Variants in MSH3 observed in about 807,000 individuals in gnomAD.
MSH3 encodes mutS homolog 3, also known as DNA mismatch repair protein Msh3.
In MSH3, 106 loss-of-function variants were observed where a neutral mutation model predicts 123.3. That is an observed-to-expected ratio of 0.86 (90% CI 0.73 to 1.01). The LOEUF (loss-of-function observed/expected upper bound fraction) is 1.01, where lower values mean the gene tolerates loss of function less well. Among genes scored for constraint, MSH3 ranks in the 50% least tolerant of loss-of-function variants. The probability of loss-of-function intolerance (pLI) is 0.00; values close to 1 mark genes in which losing one functional copy is unlikely to be tolerated. For synonymous variants in MSH3, 515 were observed against 481.4 expected (o/e 1.07, Z -0.91); for missense variants, 1,459 against 1,347.6 (o/e 1.08, Z -1.29).
In MSH3 at chr5:80,799,341, C is replaced by G. The variant is rs566063950; in HGVS notation, c.2655+6497C>G. 2.4e-4 allele frequency among the ~76,000 whole-genome samples: 36 copies of G among 152,168 alleles called. No homozygotes were observed. The South Asian group carries it at 7.3e-3, about 31-fold the overall frequency. On this transcript the variant is annotated intron_variant, in intron 19 of 23. Coordinates refer to ENST00000265081, the MANE Select transcript of MSH3 (RefSeq NM_002439.5). ...CTGGAGGAGGCTTTGACTCAAGAGT[C>G]TCTTACCATAACCTGCTGTTGATTG... is the stretch of plus-strand genomic sequence containing the variant.
At position 80,654,896 on chromosome 5, in the gene MSH3, G is replaced by GCCGCAGCGGCCGCAGCGC. The variant is rs1554066062; in HGVS notation, c.172_189dup (p.Ala58_Pro63dup). 120 of 815,254 alleles carry GCCGCAGCGGCCGCAGCGC rather than the reference G, an allele frequency of 1.5e-4. No homozygotes were observed. Among genetic ancestry groups the GCCGCAGCGGCCGCAGCGC allele is most frequent in the Non-Finnish European group, 1.7e-4 (100 of 599,366 alleles). 50.5% of individuals were successfully genotyped at this position (815,254 alleles called of 1,614,324 possible). A position where few individuals can be genotyped will look rare whatever the true frequency, so the allele number is the denominator to read the frequency against. ...CCCTGGCGCTGCAGCGGCTGCAGCG[G>GCCGCAGCGGCCGCAGCGC]CCGCAGCGGCCGCAGCGCCCCCAGC... On this transcript the variant is annotated inframe_insertion, in exon 1 of 24. Transcript: ENST00000265081.
intron 21 of MSH3, among the ~76,000 whole-genome samples, chr5:80,861,603 T>A (rs1402568423): frequency 6.6e-6 from 1 of 152,170 alleles, no homozygotes; most frequent in Non-Finnish European, 1.5e-5. Flanking sequence ...TAAGGGGAAT[T>A]TACTCCAGTG....
intron 21 of MSH3, among the ~76,000 whole-genome samples, chr5:80,862,899 T>G (rs1746037825): frequency 6.6e-6 from 1 of 152,148 alleles, no homozygotes. Context: ...TAATCAACAT[T>G]TAATAACGAC....
At chr5:80,745,391 T>C (rs1406418603) in intron 12 of MSH3, among the ~76,000 whole-genome samples, 1 of 152,208 alleles carries the variant, frequency 6.6e-6, no homozygotes, top group Non-Finnish European at 1.5e-5. Context: ...GAATGAAAAT[T>C]GTTATTTATT....
At chr5:80,843,620 GGTTTA>G (rs1745666347) in intron 20 of MSH3, among the ~76,000 whole-genome samples, 1 of 152,020 alleles carries the variant, frequency 6.6e-6, no homozygotes, top group South Asian at 2.1e-4. Flanking sequence ...ACTTCTTCCT[GGTTTA>G]GTCTTGGCAT....
intron 12 of MSH3, among the ~76,000 whole-genome samples, chr5:80,758,623 G>C (rs762714491): frequency 6.6e-6 from 1 of 152,136 alleles, no homozygotes; most frequent in Non-Finnish European, 1.5e-5. Context: ...GCTTTTGCCT[G>C]TGTTGGCACT....
chr5:80,772,346 A>G (rs1254717069), intron 15 of MSH3, among the ~76,000 whole-genome samples: 1 of 152,210 alleles, frequency 6.6e-6, no homozygotes, highest in East Asian at 1.9e-4. Context: ...TAAATTATTA[A>G]GAGAATGAAA....
chr5:80,860,240 A>G (rs245346), intron 21 of MSH3, among the ~76,000 whole-genome samples: 66,651 of 152,012 alleles, frequency 0.44, 15,890 homozygotes, highest in Non-Finnish European at 0.54. Flanking sequence ...TCCTTCTTCA[A>G]TGCTGCACTT....
At chr5:80,863,097 G>T (rs984345103) in intron 21 of MSH3, among the ~76,000 whole-genome samples, 8 of 152,150 alleles carry the variant, frequency 5.3e-5, no homozygotes, top group African/African-American at 1.7e-4. Flanking sequence ...ATCAAATTTG[G>T]CATCCCCAGT....
intron 20 of MSH3, among the ~76,000 whole-genome samples, chr5:80,846,680 T>C (rs1289316631): frequency 1.3e-5 from 2 of 152,214 alleles, no homozygotes; most frequent in Admixed American, 1.3e-4. Context: ...ACTGCTGCGC[T>C]AGCAGTGAGC....
intron 17 of MSH3, among the ~76,000 whole-genome samples, chr5:80,782,654 A>G (rs558887781): frequency 6.6e-6 from 1 of 152,330 alleles, no homozygotes; most frequent in South Asian, 2.1e-4. Context: ...AAAGTGTATT[A>G]AAGTTTTTAT....
At chr5:80,841,268 T>G (rs1580083269) in intron 20 of MSH3, among the ~76,000 whole-genome samples, 2 of 152,258 alleles carry the variant, frequency 1.3e-5, no homozygotes. Context: ...TATTCCATGG[T>G]GTATATGTGC....
intron 14 of MSH3, among the ~76,000 whole-genome samples, chr5:80,768,337 G>T (rs1580034269): frequency 6.6e-6 from 1 of 152,096 alleles, no homozygotes; most frequent in East Asian, 1.9e-4. Context: ...GACAGATATA[G>T]TACTCCCCCA....
intron 20 of MSH3, among the ~76,000 whole-genome samples, chr5:80,840,552 T>C (rs749588741): frequency 1.3e-5 from 2 of 152,188 alleles, no homozygotes; most frequent in African/African-American, 2.4e-5. Flanking sequence ...TAGCTGGGAT[T>C]ATAGGCACTT....
In MSH3 at chr5:80,761,614, T is replaced by C. The variant is rs1744035388; in HGVS notation, c.1832T>C (p.Ile611Thr). 6.2e-7 allele frequency: 1 copy of C among 1,614,112 alleles called. No homozygotes were observed. The highest frequency in any genetic ancestry group is 1.1e-5 in the South Asian group (1 of 91,070). Reference sequence around the variant, plus strand: ...TCAGAATCTAGTGTGTTTGGTCAGATAGAAAATCATCTACGTAAATTGCCC... The same window carrying C: ...TCAGAATCTAGTGTGTTTGGTCAGACAGAAAATCATCTACGTAAATTGCCC... ...LHSESSVFGQ[I>T]ENHLRKLPDI... is the part of the protein sequence containing the mutation. The change falls in exon 13 of 24, where the codon ATA becomes ACA. Residue 611 changes from isoleucine (I) to threonine (T), a missense_variant. Coordinates refer to ENST00000265081, the MANE Select transcript of MSH3 (RefSeq NM_002439.5).
chr5:80,688,257 C>T (rs1402169853), intron 8 of MSH3, among the ~76,000 whole-genome samples: 1 of 152,188 alleles, frequency 6.6e-6, no homozygotes, highest in African/African-American at 2.4e-5. Context: ...GATGTGTATG[C>T]TGCAGATTTA....
chr5:80,822,516 T>G (rs1745219559), intron 20 of MSH3, among the ~76,000 whole-genome samples: 1 of 152,260 alleles, frequency 6.6e-6, no homozygotes, highest in Non-Finnish European at 1.5e-5. Context: ...GTGCTCACTT[T>G]TCTAAACTTA....
intron 13 of MSH3, among the ~76,000 whole-genome samples, chr5:80,767,475 G>A (rs374349997): frequency 7.9e-5 from 12 of 151,920 alleles, no homozygotes; most frequent in South Asian, 4.2e-4. Flanking sequence ...GAAGATAATC[G>A]TATACATACT....
intron 20 of MSH3, among the ~76,000 whole-genome samples, chr5:80,830,139 G>A (rs1355464992): frequency 6.6e-6 from 1 of 151,970 alleles, no homozygotes; most frequent in Non-Finnish European, 1.5e-5. Flanking sequence ...AGCCAAGCTA[G>A]AAATTATTAA....
Sources: allele counts gnomAD v4.1 joint callset (sites outside exome capture counted in the v4.1 genomes callset), GRCh38; gene constraint gnomAD v4.1.1; transcripts MANE v1.5; gene names NCBI Gene and HGNC (gene_info 2026-07-23, HGNC 2026-07-21).